Variants in ENPP1 observed in about 807,000 individuals in gnomAD.
ENPP1 encodes ectonucleotide pyrophosphatase/phosphodiesterase family member 1.
A neutral mutation model predicts 122.8 loss-of-function variants in ENPP1; 73 were observed. The ratio of observed to expected loss-of-function variants is 0.59; its 90% CI spans 0.49 to 0.72. ENPP1 has a LOEUF of 0.72. Among genes scored for constraint, ENPP1 ranks in the 30% least tolerant of loss-of-function variants. The pLI, the probability that ENPP1 is intolerant of heterozygous loss-of-function variation, is 0.00. For missense variants in ENPP1, 978 were observed against 1,128.1 expected (o/e 0.87, Z 1.91); for synonymous variants, 367 against 391.6 (o/e 0.94, Z 0.74).
chr6:131,879,041 A>G (rs1335588290), intron 19 of ENPP1, among the ~76,000 whole-genome samples: 1 of 152,152 alleles, frequency 6.6e-6, no homozygotes, highest in Non-Finnish European at 1.5e-5. Flanking sequence ...AACTGATGAA[A>G]TTTTTCACTT....
chr6:131,895,104 AT>A lies in ENPP1; in HGVS notation c.*4595del, dbSNP rs1193549221. On this transcript the variant is annotated 3_prime_UTR_variant, in exon 25 of 25. Transcript: ENST00000647893. Reference sequence around the variant, plus strand: ...AGAGAAGAAAAGTGTACGGAATATAATTGTCTCTAAGCTAAGAAATGTGGAT... The same window carrying A: ...AGAGAAGAAAAGTGTACGGAATATAATGTCTCTAAGCTAAGAAATGTGGAT... 2 of 152,230 alleles carry A rather than the reference AT, an allele frequency of 1.3e-5. No homozygotes were observed. The highest frequency in any genetic ancestry group is 2.9e-5 in the Non-Finnish European group (2 of 68,036). The allele number at this position is 152,230 out of a possible 1,614,324, so 9.4% of individuals were successfully genotyped here.
chr6:131,858,540 T>C, intron 6 of ENPP1, 128 bp from the exon 7 acceptor site: 1 of 650,808 alleles, frequency 1.5e-6, no homozygotes, highest in South Asian at 1.8e-5. Flanking sequence ...CCTGAATTTT[T>C]ATCTGATTAA....
intron 2 of ENPP1, among the ~76,000 whole-genome samples, chr6:131,848,134 C>T (rs1781836593): frequency 6.6e-6 from 1 of 152,148 alleles, no homozygotes; most frequent in South Asian, 2.1e-4. Context: ...CTTTACTGCT[C>T]TTTTACCCTA....
intron 23 of ENPP1, among the ~76,000 whole-genome samples, chr6:131,885,369 T>C (rs1782363963): frequency 6.6e-6 from 1 of 152,238 alleles, no homozygotes; most frequent in Non-Finnish European, 1.5e-5. Context: ...TGTTAAGATA[T>C]GATCTTAATA....
chr6:131,817,789 G>A (rs1415675095), intron 1 of ENPP1, among the ~76,000 whole-genome samples: 3 of 109,076 alleles, frequency 2.8e-5, no homozygotes, highest in Non-Finnish European at 4.0e-5. Context: ...ACACACACGT[G>A]TGTATGTACA....
At chr6:131,863,750 CAA>C (rs56823244) in intron 9 of ENPP1, among the ~76,000 whole-genome samples, 19 of 109,802 alleles carry the variant, frequency 1.7e-4, no homozygotes, top group Non-Finnish European at 1.4e-4. Context: ...TACTAAAATA[CAA>C]AAAAAAAAAA....
At chr6:131,880,100 CAT>C in intron 20 of ENPP1, 66 bp downstream of exon 20, 2 of 1,437,974 alleles carry the variant, frequency 1.4e-6, no homozygotes, top group Admixed American at 1.7e-5. Context: ...ACATTAAATG[CAT>C]AGTTTCTCAC....
rs1781924682 is a variant in ENPP1 at position 131,854,813 on chromosome 6, C to T, written c.618-113C>T. 3.9e-6 allele frequency: 3 copies of T among 769,168 alleles called. No individual in the cohort carries two copies. In the South Asian group the frequency reaches 4.3e-5, roughly 11 times the overall value. The allele number at this position is 769,168 out of a possible 1,614,324, so 47.6% of individuals were successfully genotyped here. ...GTTAGTTAGTTTTCTTAAGATCACACAGACCTTAGTGGAAAATCTTCACTG... is the reference window on the plus strand; with the variant it reads ...GTTAGTTAGTTTTCTTAAGATCACATAGACCTTAGTGGAAAATCTTCACTG... On this transcript the variant is annotated intron_variant, in intron 5 of 24. Coordinates refer to ENST00000647893, the MANE Select transcript of ENPP1 (RefSeq NM_006208.3).
At chr6:131,853,631 A>C (rs914679269) in intron 5 of ENPP1, among the ~76,000 whole-genome samples, 2 of 152,192 alleles carry the variant, frequency 1.3e-5, no homozygotes, top group Non-Finnish European at 2.9e-5. Flanking sequence ...TGAAAATTGT[A>C]TAAAAATGTT....
At chr6:131,829,183 A>G (rs1781581080) in intron 1 of ENPP1, among the ~76,000 whole-genome samples, 2 of 152,266 alleles carry the variant, frequency 1.3e-5, no homozygotes. Context: ...GCCTGAGGGC[A>G]GAAAGAGCTG....
rs1782067261 is a variant in ENPP1 at position 131,864,749 on chromosome 6, G to A, written c.1092-117G>A. 4.5e-5 allele frequency: 37 copies of A among 824,512 alleles called. No homozygotes were observed. In the South Asian group the frequency reaches 5.2e-4, roughly 12 times the overall value. 51.1% of individuals were successfully genotyped at this position (824,512 alleles called of 1,614,324 possible). On this transcript the variant is annotated intron_variant, in intron 10 of 24. Transcript: ENST00000647893. ...TTTCAAAGCTGTAAATTATTTCTCA[G>A]TAGAACTGTTACACCAGTGTTATAA...
At chr6:131,874,547 T>C (rs992836235) in intron 16 of ENPP1, among the ~76,000 whole-genome samples, 1 of 152,006 alleles carries the variant, frequency 6.6e-6, no homozygotes, top group East Asian at 1.9e-4. Flanking sequence ...ACAACAGATG[T>C]AGTAAGGATG....
intron 1 of ENPP1, among the ~76,000 whole-genome samples, chr6:131,809,676 C>T (rs1781324181): frequency 6.6e-6 from 1 of 152,164 alleles, no homozygotes; most frequent in Non-Finnish European, 1.5e-5. Flanking sequence ...ATGAGGTAGT[C>T]GATAATTGTA....
intron 1 of ENPP1, chr6:131,825,980 G>T: frequency 1.6e-6 from 1 of 617,824 alleles, no homozygotes; most frequent in Non-Finnish European, 3.0e-6. Flanking sequence ...TCTTCATTAG[G>T]TCAACATTTG....
intron 21 of ENPP1, among the ~76,000 whole-genome samples, chr6:131,883,043 A>G (rs1487687385): frequency 1.3e-5 from 2 of 152,186 alleles, no homozygotes; most frequent in Non-Finnish European, 2.9e-5. Context: ...TCTCTAGGGA[A>G]TGGCTTTTTT....
chr6:131,884,741 C>T (rs934308472), intron 22 of ENPP1, among the ~76,000 whole-genome samples, 190 bp from the exon 23 acceptor site: 1 of 152,184 alleles, frequency 6.6e-6, no homozygotes, highest in Admixed American at 6.5e-5. Flanking sequence ...TGCCACTGCA[C>T]TCCAGCCTGG....
intron 9 of ENPP1, among the ~76,000 whole-genome samples, chr6:131,862,292 A>G (rs1473280390): frequency 6.6e-6 from 1 of 152,180 alleles, no homozygotes; most frequent in East Asian, 1.9e-4. Flanking sequence ...ATGAAAAATG[A>G]GGTCATGGTG....
chr6:131,880,552 G>A (rs1008615932), intron 20 of ENPP1, among the ~76,000 whole-genome samples: 1 of 150,830 alleles, frequency 6.6e-6, no homozygotes, highest in Non-Finnish European at 1.5e-5. Flanking sequence ...GGGTGACAGA[G>A]TGAGACTCCA....
intron 10 of ENPP1, 44 bp downstream of exon 10, chr6:131,864,615 G>C (rs748078468): frequency 1.5e-6 from 2 of 1,296,120 alleles, no homozygotes; most frequent in Admixed American, 3.4e-5. Context: ...TCGTTTTGTA[G>C]AAATGATATA....
Sources: gnomAD v4.1 joint callset for allele counts (sites outside exome capture counted in the v4.1 genomes callset) on GRCh38, gnomAD v4.1.1 for gene constraint, MANE v1.5 for transcripts, NCBI Gene and HGNC (gene_info 2026-07-23, HGNC 2026-07-21) for gene names.